The following ANKS3 variants were observed in gnomAD, a reference collection of about 807,000 sequenced individuals.
The protein encoded by ANKS3 is ankyrin repeat and SAM domain-containing protein 3.
Under a neutral mutation model 80.7 loss-of-function variants are expected in ANKS3, and 62 were observed. That is an observed-to-expected ratio of 0.77 (90% CI 0.63 to 0.95). ANKS3 has a LOEUF of 0.95. ANKS3 is among the 40% of genes least tolerant of loss of function. ANKS3 has a pLI of 0.00. For missense variants in ANKS3, 1,150 were observed against 883.6 expected (o/e 1.30, Z -3.82); for synonymous variants, 489 against 355.3 (o/e 1.38, Z -4.23).
At chr16:4,732,813 G>A (rs567915905) in intron 1 of ANKS3, among the ~76,000 whole-genome samples, 1 of 151,920 alleles carries the variant, frequency 6.6e-6, no homozygotes, top group East Asian at 1.9e-4. Flanking sequence ...TTCTGAAAAT[G>A]CTAAGTATCT....
At chr16:4,701,646 C>A (rs1596355452) in intron 9 of ANKS3, 103 bp from the exon 10 acceptor site, 2 of 985,420 alleles carry the variant, frequency 2.0e-6, no homozygotes, top group East Asian at 5.3e-5. Context: ...TCCTTGGGGC[C>A]TGCAGCGGTT....
chr16:4,721,808 TG>T (rs1437525588), intron 6 of ANKS3, among the ~76,000 whole-genome samples: 1 of 151,010 alleles, frequency 6.6e-6, no homozygotes, highest in Non-Finnish European at 1.5e-5. Context: ...TTTGTATTTT[TG>T]TATTTTTGGT....
At chr16:4,701,648 G>T in intron 9 of ANKS3, 105 bp from the exon 10 acceptor site, 1 of 941,850 alleles carries the variant, frequency 1.1e-6, no homozygotes, top group Non-Finnish European at 1.6e-6. Context: ...CTTGGGGCCT[G>T]CAGCGGTTGC....
Position 4,701,438 on chromosome 16 carries a change from T to G in ANKS3, c.1115A>C (p.Asn372Thr). ...GLSSEASVES[N>T]EDSDHACKSS... ...CAAGAAAGAAAGAATCCGTACCTCG[T>G]TGCTCTCCACAGAAGCTTCGCTGCT... Residue 372 changes from asparagine to threonine, a missense_variant, in exon 10 of 18, where the codon AAC (asparagine) becomes ACC (threonine). Coordinates refer to ENST00000304283, the MANE Select transcript of ANKS3 (RefSeq NM_133450.4). 1 of 1,598,872 alleles carries G rather than the reference T, an allele frequency of 6.3e-7. No individual in the cohort carries two copies.
chr16:4,715,463 G>A (rs1188686620), intron 6 of ANKS3, among the ~76,000 whole-genome samples: 1 of 152,152 alleles, frequency 6.6e-6, no homozygotes, highest in Non-Finnish European at 1.5e-5. Flanking sequence ...GGGTGTGGCG[G>A]CACATGCCTG....
rs758390559 is a variant in ANKS3, at chr16:4,705,128, C to G, written c.835G>C (p.Gly279Arg). The change falls in exon 8 of 18, where the codon GGC becomes CGC. Residue 279 changes from glycine (G) to arginine (R), a missense_variant. Transcript: ENST00000304283. ...GGCCGTGGGGCTCTGCCGCCCAGGC[C>G]AATGCCTGTGATCCTGGCCAGGGCT... ...PRALARITGI[G>R]LGGRAPRPRY... The G allele has an allele frequency of 6.2e-7, 1 of 1,613,144 alleles. No homozygotes were observed. Among genetic ancestry groups the G allele is most frequent in the Non-Finnish European group, 8.5e-7 (1 of 1,180,036 alleles).
chr16:4,720,809 C>T (rs1003906947), intron 6 of ANKS3, among the ~76,000 whole-genome samples: 6 of 149,804 alleles, frequency 4.0e-5, no homozygotes, highest in Non-Finnish European at 8.9e-5. Flanking sequence ...TGGTGGCACA[C>T]GCCTGTAATC....
intron 6 of ANKS3, among the ~76,000 whole-genome samples, chr16:4,719,328 G>A (rs866330498): frequency 6.6e-6 from 1 of 152,172 alleles, no homozygotes. Flanking sequence ...GTGAGACTCT[G>A]TCTCAAAAAG....
rs1280427649 is a variant in ANKS3, at chr16:4,697,057, G to A, written c.1942C>T (p.Leu648=). The A allele has an allele frequency of 1.9e-6, 3 of 1,613,866 alleles. No homozygotes were observed. Among genetic ancestry groups the A allele is most frequent in the Non-Finnish European group, 1.7e-6 (2 of 1,179,996 alleles). The part of the protein sequence containing the change: ...VTQSLEKLQV[L]NGKKWRET ...GTCTCCCGCCACTTCTTCCCGTTCA[G>A]CACCTGCAGCTTCTCCAGGCTCTGG... is the stretch of plus-strand genomic sequence containing the variant. Residue 648 remains leucine, a synonymous_variant, in exon 17 of 18, where the codon CTG becomes TTG. Coordinates refer to ENST00000304283, the MANE Select transcript of ANKS3 (RefSeq NM_133450.4).
chr16:4,708,612 C>G (rs2080324853), intron 7 of ANKS3, among the ~76,000 whole-genome samples: 1 of 152,020 alleles, frequency 6.6e-6, no homozygotes, highest in African/African-American at 2.4e-5. Flanking sequence ...TTCCACTAAA[C>G]AGACAAAGTA....
At chr16:4,721,456 C>T (rs1460226154) in intron 6 of ANKS3, among the ~76,000 whole-genome samples, 1 of 148,096 alleles carries the variant, frequency 6.8e-6, no homozygotes, top group African/African-American at 2.5e-5. Context: ...AAAAAAAATA[C>T]AAAAATTGGC....
At chr16:4,723,597 G>A (rs897994661) in intron 6 of ANKS3, among the ~76,000 whole-genome samples, 2 of 152,174 alleles carry the variant, frequency 1.3e-5, no homozygotes, top group African/African-American at 2.4e-5. Context: ...CCAGCCTAAC[G>A]CATCAGGGTT....
At chr16:4,718,158 G>A (rs193001582) in intron 6 of ANKS3, among the ~76,000 whole-genome samples, 5 of 150,524 alleles carry the variant, frequency 3.3e-5, no homozygotes, top group African/African-American at 7.4e-5. Flanking sequence ...AGCCTCAAGC[G>A]ATCTTCCCAC....
chr16:4,712,707 C>G (rs1596391627), intron 7 of ANKS3, among the ~76,000 whole-genome samples: 2 of 152,148 alleles, frequency 1.3e-5, no homozygotes, highest in East Asian at 3.8e-4. Context: ...TACAGTCAGC[C>G]TCTCATGTAA....
At chr16:4,700,793 C>T (rs746516498) in intron 11 of ANKS3, 177 bp downstream of exon 11, 18 of 859,690 alleles carry the variant, frequency 2.1e-5, no homozygotes, top group Non-Finnish European at 3.0e-5. Flanking sequence ...AGCGCTGCAG[C>T]GGGGCTGCCA....
chr16:4,715,685 T>C (rs985568260), intron 6 of ANKS3, among the ~76,000 whole-genome samples: 4 of 152,166 alleles, frequency 2.6e-5, no homozygotes, highest in African/African-American at 7.2e-5. Flanking sequence ...GAAAACAATA[T>C]TGGAAGGTAA....
chr16:4,728,889 A>T (rs1263306847), intron 3 of ANKS3, among the ~76,000 whole-genome samples: 1 of 152,142 alleles, frequency 6.6e-6, no homozygotes, highest in Non-Finnish European at 1.5e-5. Flanking sequence ...ACCAAGGTGC[A>T]CCAGCACTCC....
chr16:4,723,498 C>A (rs1299714701), intron 6 of ANKS3, among the ~76,000 whole-genome samples: 2 of 152,188 alleles, frequency 1.3e-5, no homozygotes, highest in Admixed American at 6.5e-5. Context: ...TCATAGCTCA[C>A]TGCAACCTCC....
Position 4,726,650 on chromosome 16 carries a change from G to A in ANKS3, c.491+9C>T, listed in dbSNP as rs777157446. The A allele has an allele frequency of 1.2e-6, 2 of 1,612,924 alleles. No homozygotes were observed. Among genetic ancestry groups the A allele is most frequent in the African/African-American group, 1.3e-5 (1 of 75,040 alleles). ...CCACTCCTGTGGCCACTAAAGATGT[G>A]GCAATCACCTCACGTTGGCATTGGC... On this transcript the variant is annotated intron_variant, in intron 5 of 17. Coordinates refer to ENST00000304283, the MANE Select transcript of ANKS3 (RefSeq NM_133450.4).
Sources: gnomAD v4.1 joint callset for allele counts (sites outside exome capture counted in the v4.1 genomes callset) on GRCh38, gnomAD v4.1.1 for gene constraint, MANE v1.5 for transcripts, NCBI Gene and HGNC (gene_info 2026-07-23, HGNC 2026-07-21) for gene names.